The following PDCD1 variants were observed in gnomAD, a reference collection of about 807,000 sequenced individuals.
The protein encoded by PDCD1 is programmed cell death protein 1.
Under a neutral mutation model 23.6 loss-of-function variants are expected in PDCD1, and 10 were observed. The ratio of observed to expected loss-of-function variants is 0.42; its 90% CI spans 0.26 to 0.72. The LOEUF (loss-of-function observed/expected upper bound fraction) is 0.72. Among genes scored for constraint, PDCD1 ranks in the 30% least tolerant of loss-of-function variants. The pLI is 0.24. For missense variants in PDCD1, 313 were observed against 397.8 expected, an observed-to-expected ratio of 0.79 and a Z score of 1.81; for synonymous variants, 168 against 169.3, an observed-to-expected ratio of 0.99 and a Z score of 0.06.
chr2:241,858,431 G>A (rs1701071644), intron 1 of PDCD1, among the ~76,000 whole-genome samples: 2 of 152,192 alleles, frequency 1.3e-5, no homozygotes, highest in South Asian at 4.1e-4. Context: ...GACCGGCTGA[G>A]AGGGGACAGA....
chr2:241,853,133 G>A (rs751530723), intron 1 of PDCD1, among the ~76,000 whole-genome samples, 153 bp from the exon 2 acceptor site: 13 of 152,254 alleles, frequency 8.5e-5, no homozygotes, highest in African/African-American at 3.1e-4. Flanking sequence ...TGCCACCCGG[G>A]GATGGGCACT....
In PDCD1 at chr2:241,850,737, C is replaced by T. The variant is rs1700882087; in HGVS notation, c.*321G>A. On this transcript the variant is annotated 3_prime_UTR_variant, in exon 5 of 5. Coordinates refer to ENST00000334409, the MANE Select transcript of PDCD1 (RefSeq NM_005018.3). ...CCCGGGCCGCAGGCAGCAGCAGCAG[C>T]AGCAGCAGCAGCAGCAGAGATTCAG... 2 of 604,218 alleles carry T rather than the reference C, an allele frequency of 3.3e-6. No homozygotes were observed. Among genetic ancestry groups the T allele is most frequent in the South Asian group, 3.2e-5 (2 of 63,352 alleles). 37.4% of individuals were successfully genotyped at this position (604,218 alleles called of 1,614,324 possible). A position where few individuals can be genotyped will look rare whatever the true frequency, so the allele number is the denominator to read the frequency against.
In PDCD1 at chr2:241,852,826, G is replaced by A; in HGVS notation, c.231C>T (p.Asp77=). ...WYRMSPSNQT[D]KLAAFPEDRS... is the part of the protein sequence containing the mutation. Reference sequence around the variant, plus strand: ...GGTCCTCGGGGAAGGCGGCCAGCTTGTCCGTCTGGTTGCTGGGGCTCATGC... The same window carrying A: ...GGTCCTCGGGGAAGGCGGCCAGCTTATCCGTCTGGTTGCTGGGGCTCATGC... Residue 77 remains aspartate (D), a synonymous_variant, in exon 2 of 5, where the codon GAC becomes GAT. Coordinates refer to ENST00000334409, the MANE Select transcript of PDCD1 (RefSeq NM_005018.3). 6.2e-7 allele frequency: 1 copy of A among 1,612,150 alleles called. No individual in the cohort carries two copies. Among genetic ancestry groups the A allele is most frequent in the Non-Finnish European group, 8.5e-7 (1 of 1,180,006 alleles).
In PDCD1 at chr2:241,850,675, G is replaced by T; in HGVS notation, c.*383C>A. On this transcript the variant is annotated 3_prime_UTR_variant, in exon 5 of 5. Transcript: ENST00000334409. ...ACCAGCCCCCAAGTTCAGGCAGGAG[G>T]CTCCGGGGCGTCAGGCAGGGCCACG... is the stretch of plus-strand genomic sequence containing the variant. 2.0e-6 allele frequency: 1 copy of T among 504,044 alleles called. No homozygotes were observed. 31.2% of individuals were successfully genotyped at this position (504,044 alleles called of 1,614,324 possible).
rs1479902984 is a variant in PDCD1 at position 241,851,197 on chromosome 2, G to A, written c.728C>T (p.Pro243Leu). The A allele has an allele frequency of 1.2e-6, 2 of 1,613,572 alleles. No individual in the cohort carries two copies. Among genetic ancestry groups the A allele is most frequent in the Non-Finnish European group, 1.7e-6 (2 of 1,179,972 alleles). The change falls in exon 5 of 5, where the codon CCT becomes CTT. Residue 243 changes from proline (P) to leucine (L), a missense_variant. Around this residue, in one of 3 missense-constraint regions of PDCD1, gnomAD observed 158 missense variants for 177.5 expected, o/e 0.89. Transcript: ENST00000334409. ...AATGGTGGCATACTCCGTCTGCTCA[G>A]GGACACAGGGCACGGGGGGCTCCGG... The part of the protein sequence containing the change: ...KTPEPPVPCV[P>L]EQTEYATIVF...
At chr2:241,853,025 A>G (rs2124862066) in intron 1 of PDCD1, 45 bp from the exon 2 acceptor site, 1 of 1,521,202 alleles carries the variant, frequency 6.6e-7, no homozygotes, top group Non-Finnish European at 8.8e-7. Context: ...TGGCCCCACA[A>G]AGCCTCCCCG....
rs1436484506 is a variant in PDCD1, at chr2:241,858,856, C to A, written c.-18G>T. 3.2e-6 allele frequency: 5 copies of A among 1,558,926 alleles called. No homozygotes were observed. Among genetic ancestry groups the A allele is most frequent in the Non-Finnish European group, 4.3e-6 (5 of 1,150,712 alleles). ...ATCTGCATGCCTGGAGCAGCCCCAC[C>A]AGAGTGCCGCCTTCTCCACTGCTCA... On this transcript the variant is annotated 5_prime_UTR_variant, in exon 1 of 5. Transcript: ENST00000334409.
In PDCD1 at chr2:241,852,723, T is replaced by C. The variant is rs763617068; in HGVS notation, c.334A>G (p.Arg112Gly). ...NGRDFHMSVVRARRNDSGTYL... is the reference protein window; with the variant it reads ...NGRDFHMSVVGARRNDSGTYL... ...GTGCCGCTGTCATTGCGCCGGGCCC[T>C]GACCACGCTCATGTGGAAGTCACGC... The change falls in exon 2 of 5, where the codon AGG becomes GGG. Residue 112 changes from arginine to glycine, a missense_variant. By Grantham distance (125) the Arg-to-Gly change is moderately radical. Coordinates refer to ENST00000334409, the MANE Select transcript of PDCD1 (RefSeq NM_005018.3). 2 of 1,613,864 alleles carry C rather than the reference T, an allele frequency of 1.2e-6. No individual in the cohort carries two copies. Among genetic ancestry groups the C allele is most frequent in the South Asian group, 2.2e-5 (2 of 91,088 alleles).
At chr2:241,852,134 G>A in intron 3 of PDCD1, 64 bp downstream of exon 3, 1 of 1,550,446 alleles carries the variant, frequency 6.4e-7, no homozygotes. Flanking sequence ...AGGAAGGGGA[G>A]GCGGGAGTGA....
chr2:241,852,193 G>C lies in PDCD1; in HGVS notation c.592+5C>G. On this transcript the variant is annotated splice_donor_5th_base_variant and intron_variant, in intron 3 of 4. Transcript: ENST00000334409. ...GGGCAGGCCGAGGGGCTGGGATGACGTTACCTCGTGCGGCCCGGGAGCAGA... is the reference window on the plus strand; with the variant it reads ...GGGCAGGCCGAGGGGCTGGGATGACCTTACCTCGTGCGGCCCGGGAGCAGA... 6.2e-7 allele frequency: 1 copy of C among 1,607,262 alleles called. No individual in the cohort carries two copies. The highest frequency in any genetic ancestry group is 8.5e-7 in the Non-Finnish European group (1 of 1,178,384).
intron 1 of PDCD1, among the ~76,000 whole-genome samples, chr2:241,857,104 AG>A (rs1465110329): frequency 6.6e-6 from 1 of 152,220 alleles, no homozygotes; most frequent in East Asian, 1.9e-4. Flanking sequence ...ATAAAACACA[AG>A]GGAAGCACAC....
chr2:241,850,479 G>A lies in PDCD1; in HGVS notation c.*579C>T, dbSNP rs937935969. On this transcript the variant is annotated 3_prime_UTR_variant, in exon 5 of 5. Transcript: ENST00000334409. ...CCTGCCCTGCCCACCACAGCCAGGAGCTCTTCTGACCTTCCCTGAAACTTC... is the reference window on the plus strand; with the variant it reads ...CCTGCCCTGCCCACCACAGCCAGGAACTCTTCTGACCTTCCCTGAAACTTC... 7.7e-5 allele frequency: 20 copies of A among 259,602 alleles called. No individual in the cohort carries two copies. Among genetic ancestry groups the A allele is most frequent in the Non-Finnish European group, 1.4e-4 (19 of 134,020 alleles). The allele number at this position is 259,602 out of a possible 1,614,324, so 16.1% of individuals were successfully genotyped here.
intron 1 of PDCD1, among the ~76,000 whole-genome samples, chr2:241,857,024 A>C (rs1202709596): frequency 1.3e-5 from 2 of 152,222 alleles, no homozygotes; most frequent in Admixed American, 1.3e-4. Context: ...GTCCCACGCC[A>C]AAGCAGAGGC....
At chr2:241,854,886 G>T (rs1046183131) in intron 1 of PDCD1, among the ~76,000 whole-genome samples, 1 of 152,224 alleles carries the variant, frequency 6.6e-6, no homozygotes, top group Non-Finnish European at 1.5e-5. Flanking sequence ...AGGGCGAGGT[G>T]CTGGCGACAG....
At chr2:241,852,159 G>T (rs780907866) in intron 3 of PDCD1, 39 bp downstream of exon 3, 25 of 1,593,504 alleles carry the variant, frequency 1.6e-5, no homozygotes, top group Non-Finnish European at 2.1e-5. Flanking sequence ...CGCCAGCAGG[G>T]TTAGGGCAGG....
rs1700868523 is a variant in PDCD1 at position 241,849,962 on chromosome 2, A to T, written c.*1096T>A. 4.7e-6 allele frequency: 1 copy of T among 212,454 alleles called. No individual in the cohort carries two copies. Among genetic ancestry groups the T allele is most frequent in the Non-Finnish European group, 9.5e-6 (1 of 104,890 alleles). The allele number at this position is 212,454 out of a possible 1,614,324, so 13.2% of individuals were successfully genotyped here. A position where few individuals can be genotyped will look rare whatever the true frequency, so the allele number is the denominator to read the frequency against. On this transcript the variant is annotated 3_prime_UTR_variant, in exon 5 of 5. Coordinates refer to ENST00000334409, the MANE Select transcript of PDCD1 (RefSeq NM_005018.3). ...GGGGGATCCCTTGTCCCAGCCACTC[A>T]GGTGCCTGCTGGCCGCCTGGATGCT...
At position 241,858,879 on chromosome 2, in the gene PDCD1, T is replaced by G; in HGVS notation, c.-41A>C. 6.6e-7 allele frequency: 1 copy of G among 1,515,402 alleles called. No homozygotes were observed. The highest frequency in any genetic ancestry group is 2.0e-5 in the Admixed American group (1 of 51,166). 93.9% of individuals were successfully genotyped at this position (1,515,402 alleles called of 1,614,324 possible). A position where few individuals can be genotyped will look rare whatever the true frequency, so the allele number is the denominator to read the frequency against. On this transcript the variant is annotated 5_prime_UTR_variant, in exon 1 of 5. Coordinates refer to ENST00000334409, the MANE Select transcript of PDCD1 (RefSeq NM_005018.3). ...ACCAGAGTGCCGCCTTCTCCACTGC[T>G]CAGGCGGAGGTGAGCGGAAGGGAAA... is the stretch of plus-strand genomic sequence containing the variant.
chr2:241,851,899 A>C (rs1700909978), intron 4 of PDCD1, 50 bp downstream of exon 4: 2 of 1,576,176 alleles, frequency 1.3e-6, no homozygotes, highest in African/African-American at 2.7e-5. Flanking sequence ...ACCTCTGCCC[A>C]CCCAGGAAGG....
At chr2:241,856,993 C>T (rs192300757) in intron 1 of PDCD1, among the ~76,000 whole-genome samples, 38 of 152,326 alleles carry the variant, frequency 2.5e-4, no homozygotes, top group African/African-American at 4.3e-4. Flanking sequence ...GCAGTGGCAG[C>T]GCTGACTGGA....
Sources: allele counts gnomAD v4.1 joint callset (sites outside exome capture counted in the v4.1 genomes callset), GRCh38; gene constraint gnomAD v4.1.1; regional missense constraint gnomAD v4.1.1; transcripts MANE v1.5; gene names NCBI Gene and HGNC (gene_info 2026-07-23, HGNC 2026-07-21).